Variants in PVT1 observed in about 807,000 individuals in gnomAD.
PVT1 encodes CXCR4/PVT1 fusion.
At chr8:127,878,204 T>C (rs1318375810) in intron 2 of PVT1, among the ~76,000 whole-genome samples, 1 of 152,158 alleles carries the variant, frequency 6.6e-6, no homozygotes, top group Non-Finnish European at 1.5e-5. Context: ...CCCACAAATT[T>C]TGAAGGTCTG....
chr8:128,021,495 A>G lies in PVT1; in HGVS notation n.912+32204A>G, dbSNP rs62516161. On this transcript the variant is annotated intron_variant and non_coding_transcript_variant, in intron 4 of 10. Transcript: ENST00000651587. Reference sequence around the variant, plus strand: ...TTTTTAGTAGAGACAGGGTTTCACCATGTTAGCCAGGATGGTCTTGATCTC... The same window carrying G: ...TTTTTAGTAGAGACAGGGTTTCACCGTGTTAGCCAGGATGGTCTTGATCTC... Among the ~76,000 whole-genome samples the G allele has an allele frequency of 4.3e-3, 650 of 151,966 alleles. 1 individual carries two copies. The highest frequency in any genetic ancestry group is 6.5e-3 in the Non-Finnish European group (445 of 67,952).
intron 3 of PVT1, among the ~76,000 whole-genome samples, chr8:127,937,573 A>G (rs1414978644): frequency 2.3e-5 from 3 of 132,774 alleles, no homozygotes; most frequent in African/African-American, 8.2e-5. Flanking sequence ...ACACACACAC[A>G]CACACACAGA....
chr8:127,886,671 T>G (rs1210932561), intron 2 of PVT1, among the ~76,000 whole-genome samples: 1 of 152,196 alleles, frequency 6.6e-6, no homozygotes, highest in Admixed American at 6.5e-5. Context: ...TTGCTAAGCT[T>G]TCTTATCTTT....
At chr8:128,080,111 CCA>C (rs1814157453) in intron 5 of PVT1, among the ~76,000 whole-genome samples, 1 of 152,144 alleles carries the variant, frequency 6.6e-6, no homozygotes, top group Non-Finnish European at 1.5e-5. Flanking sequence ...TCTGGATGTA[CCA>C]CAGTTTATTT....
At chr8:128,008,490 C>G (rs1817273777) in intron 4 of PVT1, among the ~76,000 whole-genome samples, 1 of 152,210 alleles carries the variant, frequency 6.6e-6, no homozygotes, top group Non-Finnish European at 1.5e-5. Context: ...CCAGAAAGAA[C>G]TGTCCCCTTC....
At chr8:128,055,799 A>G (rs978952359) in intron 4 of PVT1, among the ~76,000 whole-genome samples, 8 of 152,166 alleles carry the variant, frequency 5.3e-5, no homozygotes, top group African/African-American at 1.9e-4. Context: ...GTCTAGCTCA[A>G]CCTTCTTTAT....
chr8:127,817,500 T>C (rs1814677189), intron 2 of PVT1, among the ~76,000 whole-genome samples: 1 of 133,724 alleles, frequency 7.5e-6, no homozygotes, highest in African/African-American at 2.8e-5. Context: ...TGTATATACA[T>C]ATATATTTAA....
intron 3 of PVT1, among the ~76,000 whole-genome samples, chr8:127,973,582 T>G (rs925346788): frequency 5.9e-5 from 9 of 151,570 alleles, no homozygotes; most frequent in African/African-American, 2.2e-4. Flanking sequence ...GGGATTGTGG[T>G]CCACACTGGA....
chr8:128,005,670 A>C (rs1817238413), intron 4 of PVT1, among the ~76,000 whole-genome samples: 1 of 152,164 alleles, frequency 6.6e-6, no homozygotes, highest in Non-Finnish European at 1.5e-5. Flanking sequence ...CCAGCTGCTG[A>C]CACAGCCACA....
At chr8:128,055,466 C>T (rs541130022) in intron 4 of PVT1, among the ~76,000 whole-genome samples, 3 of 152,304 alleles carry the variant, frequency 2.0e-5, no homozygotes, top group African/African-American at 7.2e-5. Flanking sequence ...GAATGTAATG[C>T]ACTTAATACA....
chr8:127,974,105 T>C (rs1167914290), intron 3 of PVT1, among the ~76,000 whole-genome samples: 1 of 152,200 alleles, frequency 6.6e-6, no homozygotes, highest in Non-Finnish European at 1.5e-5. Context: ...TGTTCCTCTT[T>C]GAACACTGGG....
intron 4 of PVT1, among the ~76,000 whole-genome samples, chr8:128,025,313 C>A (rs73707175): frequency 0.07 from 10,653 of 152,240 alleles, 1,180 homozygotes; most frequent in African/African-American, 0.24. Context: ...GGAGCTGTTT[C>A]TTGCCCTCTT....
intron 3 of PVT1, among the ~76,000 whole-genome samples, chr8:127,925,035 C>T (rs116420385): frequency 3.9e-5 from 6 of 152,148 alleles, no homozygotes; most frequent in South Asian, 2.1e-4. Context: ...AAAAAGAAAT[C>T]GTTTTTATTA....
chr8:128,039,826 G>A (rs1257536454), intron 4 of PVT1, among the ~76,000 whole-genome samples: 2 of 152,166 alleles, frequency 1.3e-5, no homozygotes, highest in Non-Finnish European at 2.9e-5. Flanking sequence ...AGTAATCCTG[G>A]CCTGGTGGAA....
chr8:127,946,247 C>T (rs533707344), intron 3 of PVT1, among the ~76,000 whole-genome samples: 1 of 152,252 alleles, frequency 6.6e-6, no homozygotes, highest in African/African-American at 2.4e-5. Context: ...GTATTGGGTG[C>T]CTAATATATC....
At chr8:128,034,156 C>T (rs555079175) in intron 4 of PVT1, among the ~76,000 whole-genome samples, 6 of 151,748 alleles carry the variant, frequency 4.0e-5, no homozygotes, top group Non-Finnish European at 4.4e-5. Flanking sequence ...TCTCTACCTC[C>T]CCCACCCCCT....
At chr8:127,972,369 G>A (rs1306135872) in intron 3 of PVT1, among the ~76,000 whole-genome samples, 1 of 152,206 alleles carries the variant, frequency 6.6e-6, no homozygotes, top group African/African-American at 2.4e-5. Flanking sequence ...CTCACAGGGT[G>A]TTCGATGGTT....
chr8:127,981,531 C>T (rs146654712), intron 3 of PVT1, among the ~76,000 whole-genome samples: 41 of 152,100 alleles, frequency 2.7e-4, no homozygotes, highest in Admixed American at 2.4e-3. Context: ...AGCATGCTGG[C>T]GGGAAGGGAG....
rs182528653 is a variant in PVT1, at chr8:128,014,624, G to A, written n.912+25333G>A. ...AACACAGACTTGGCGGGGAAGGTGG[G>A]GACCCAGTGGGTAGAAAGAATGGGC... On this transcript the variant is annotated intron_variant and non_coding_transcript_variant, in intron 4 of 10. Coordinates refer to ENST00000651587, the Ensembl canonical transcript of PVT1. Among the ~76,000 whole-genome samples, 402 of 152,290 alleles carry A rather than the reference G, an allele frequency of 2.6e-3. 6 individuals are homozygous for A. The highest frequency in any genetic ancestry group is 7.3e-4 in the Non-Finnish European group (50 of 68,030).
Sources: gnomAD v4.1 joint callset for allele counts (sites outside exome capture counted in the v4.1 genomes callset) on GRCh38, gnomAD v4.1.1 for gene constraint, MANE v1.5 for transcripts, NCBI Gene and HGNC (gene_info 2026-07-23, HGNC 2026-07-21) for gene names.